Variants in PLAGL1 observed in about 807,000 individuals in gnomAD.
PLAGL1 encodes the protein zinc finger protein PLAGL1.
PLAGL1 carries 1 observed loss-of-function variant against 4.6 expected under a neutral mutation model. The ratio of observed to expected loss-of-function variants is 0.22; its 90% CI spans 0.08 to 1.03. The LOEUF is 1.03. PLAGL1 is among the 50% of genes least tolerant of loss of function. The pLI is 0.58. For synonymous variants in PLAGL1, 240 were observed against 237.8 expected (o/e 1.01, Z -0.08); for missense variants, 464 against 570.4 (o/e 0.81, Z 1.90).
At chr6:143,987,811 A>G (rs1291771283) in intron 1 of PLAGL1, among the ~76,000 whole-genome samples, 1 of 152,164 alleles carries the variant, frequency 6.6e-6, no homozygotes, top group Non-Finnish European at 1.5e-5. Flanking sequence ...GCAGATGGTA[A>G]CCTTAATTTT....
In PLAGL1 at chr6:144,061,808, C is replaced by CT. The variant is rs995982414; in HGVS notation, c.-151+2659dup. Among the ~76,000 whole-genome samples, 3 of 152,220 alleles carry CT rather than the reference C, an allele frequency of 2.0e-5. No homozygotes were observed. The highest frequency in any genetic ancestry group is 2.9e-5 in the Non-Finnish European group (2 of 68,012). On this transcript the variant is annotated intron_variant, in intron 1 of 3. Coordinates refer to the PLAGL1 transcript ENST00000437412. This position sits in a 1 kb window ranked among gnomAD's most constrained non-coding sequence, Gnocchi z 4.4. ...CCCAATCTCCCTCTTCTAGTTATTCCTTTTTTTAATTCCTCTTACGATTTT... is the reference window on the plus strand; with the variant it reads ...CCCAATCTCCCTCTTCTAGTTATTCCTTTTTTTTAATTCCTCTTACGATTTT...
chr6:144,044,619 G>A (rs928145991), intron 1 of PLAGL1, among the ~76,000 whole-genome samples: 2 of 152,188 alleles, frequency 1.3e-5, no homozygotes. Flanking sequence ...TGGAATAAGT[G>A]CAATGTGGTG....
intron 1 of PLAGL1, chr6:144,037,028 C>T (rs1797294658): frequency 6.1e-6 from 1 of 163,050 alleles, no homozygotes; most frequent in South Asian, 1.6e-4. Flanking sequence ...GTCTGCTTGC[C>T]TCTTGTCACA....
At chr6:144,037,576 G>C (rs984602981) in intron 1 of PLAGL1, 15 of 151,994 alleles carry the variant, frequency 9.9e-5, no homozygotes, top group African/African-American at 3.6e-4. Flanking sequence ...CTGGGTGACA[G>C]AGCAAGACTC....
rs951677977 is a variant in PLAGL1, at chr6:143,953,459, T to C, written c.-324-4999A>G. ...ATTTCTCTAATATTCAGGGAAAAAATTGAGAAAGCTGTCCAGATGATTATG... is the reference window on the plus strand; with the variant it reads ...ATTTCTCTAATATTCAGGGAAAAAACTGAGAAAGCTGTCCAGATGATTATG... On this transcript the variant is annotated intron_variant, in intron 6 of 7. Coordinates refer to ENST00000674357, the MANE Select transcript of PLAGL1 (RefSeq NM_001317162.2). This position sits in a 1 kb window ranked among gnomAD's most constrained non-coding sequence, Gnocchi z 5.3. Among the ~76,000 whole-genome samples the C allele has an allele frequency of 6.6e-6, 1 of 152,140 alleles. No individual in the cohort carries two copies. Among genetic ancestry groups the C allele is most frequent in the Non-Finnish European group, 1.5e-5 (1 of 68,010 alleles).
intron 1 of PLAGL1, among the ~76,000 whole-genome samples, chr6:144,040,440 A>T (rs1407684776): frequency 6.6e-6 from 1 of 152,120 alleles, no homozygotes; most frequent in East Asian, 1.9e-4. Context: ...GAGGCAGGCA[A>T]ATCATTTGAA....
At position 144,064,449 on chromosome 6, in the gene PLAGL1, A is replaced by T. The variant is rs1310628344; in HGVS notation, c.-151+19T>A. 1.3e-5 allele frequency: 2 copies of T among 152,172 alleles called. No individual in the cohort carries two copies. The highest frequency in any genetic ancestry group is 2.9e-5 in the Non-Finnish European group (2 of 68,260). 9.4% of individuals were successfully genotyped at this position (152,172 alleles called of 1,614,324 possible). Reference sequence around the variant, plus strand: ...CAGTTCTCTCGCTCGCCCCTGCCTCACCTGCCTTTCCTACCTACCCGCCGC... The same window carrying T: ...CAGTTCTCTCGCTCGCCCCTGCCTCTCCTGCCTTTCCTACCTACCCGCCGC... On this transcript the variant is annotated intron_variant, in intron 1 of 3. Transcript: ENST00000437412. The surrounding 1 kb of genome is among the most constrained non-coding windows in gnomAD (Gnocchi z 6.8).
intron 1 of PLAGL1, among the ~76,000 whole-genome samples, chr6:144,052,199 A>G (rs940815068): frequency 1.3e-5 from 2 of 152,244 alleles, no homozygotes; most frequent in Admixed American, 6.5e-5. Context: ...GACAGATAGT[A>G]TATATGTCCT....
chr6:143,979,526 A>G lies in PLAGL1; in HGVS notation c.-544+5609T>C, dbSNP rs1233980636. 6.6e-6 allele frequency among the ~76,000 whole-genome samples: 1 copy of G among 152,032 alleles called. No individual in the cohort carries two copies. The highest frequency in any genetic ancestry group is 2.4e-5 in the African/African-American group (1 of 41,414). ...TCTTCGTGGTTGCTGTAGAGTTTAT[A>G]GTTATATCTTTAACTTACCATGGTG... On this transcript the variant is annotated intron_variant, in intron 2 of 7. Transcript: ENST00000674357. This position sits in a 1 kb window ranked among gnomAD's most constrained non-coding sequence, Gnocchi z 4.6.
rs1370164310 is a variant in PLAGL1 at position 143,962,251 on chromosome 6, T to C, written c.-398-1709A>G. On this transcript the variant is annotated intron_variant, in intron 5 of 7. Coordinates refer to ENST00000674357, the MANE Select transcript of PLAGL1 (RefSeq NM_001317162.2). This position sits in a 1 kb window ranked among gnomAD's most constrained non-coding sequence, Gnocchi z 5.3. ...GAGAACAGACAGGAAAAATAACACA[T>C]CTCAGTTTGACAGGATGCTACTTGC... 3.9e-5 allele frequency among the ~76,000 whole-genome samples: 6 copies of C among 152,122 alleles called. No individual in the cohort carries two copies. Among genetic ancestry groups the C allele is most frequent in the African/African-American group, 1.4e-4 (6 of 41,406 alleles).
intron 1 of PLAGL1, among the ~76,000 whole-genome samples, chr6:144,044,543 CAGTT>C (rs1308922706): frequency 1.2e-4 from 18 of 152,242 alleles, no homozygotes; most frequent in African/African-American, 4.3e-4. Context: ...GTCTGAGAGA[CAGTT>C]TGTTGTGATT....
rs941110508 is a variant in PLAGL1, at chr6:143,953,798, C to T, written c.-324-5338G>A. Reference sequence around the variant, plus strand: ...AGAGGCAACAAAACAACCTGCTATACCCTGAAGCATCTACCATATGTCTCT... The same window carrying T: ...AGAGGCAACAAAACAACCTGCTATATCCTGAAGCATCTACCATATGTCTCT... On this transcript the variant is annotated intron_variant, in intron 6 of 7. Transcript: ENST00000674357. The surrounding 1 kb of genome is among the most constrained non-coding windows in gnomAD (Gnocchi z 5.3). Among the ~76,000 whole-genome samples the T allele has an allele frequency of 6.6e-6, 1 of 152,186 alleles. No homozygotes were observed. Among genetic ancestry groups the T allele is most frequent in the Non-Finnish European group, 1.5e-5 (1 of 68,034 alleles).
rs1229442541 is a variant in PLAGL1 at position 144,006,233 on chromosome 6, A to G, written c.-584+1857T>C. The G allele has an allele frequency of 6.6e-6, 1 of 152,154 alleles. No individual in the cohort carries two copies. The highest frequency in any genetic ancestry group is 1.5e-5 in the Non-Finnish European group (1 of 68,032). The allele number at this position is 152,154 out of a possible 1,614,324, so 9.4% of individuals were successfully genotyped here. ...TTTTTTTTTCTAAAAAGAAGCCAGGAAATAAGAATAACAGACGGAGAGCCC... is the reference window on the plus strand; with the variant it reads ...TTTTTTTTTCTAAAAAGAAGCCAGGGAATAAGAATAACAGACGGAGAGCCC... On this transcript the variant is annotated intron_variant, in intron 1 of 7. Transcript: ENST00000674357. The surrounding 1 kb of genome is among the most constrained non-coding windows in gnomAD (Gnocchi z 4.3).
chr6:143,997,354 T>G lies in PLAGL1; in HGVS notation c.-584+10736A>C, dbSNP rs1272439348. Among the ~76,000 whole-genome samples, 2 of 152,172 alleles carry G rather than the reference T, an allele frequency of 1.3e-5. No homozygotes were observed. The highest frequency in any genetic ancestry group is 6.5e-5 in the Admixed American group (1 of 15,270). On this transcript the variant is annotated intron_variant, in intron 1 of 7. Coordinates refer to ENST00000674357, the MANE Select transcript of PLAGL1 (RefSeq NM_001317162.2). The surrounding 1 kb of genome is among the most constrained non-coding windows in gnomAD (Gnocchi z 4.6). ...AATGAGTATTCACAGCAGGTCTATT[T>G]GTAAGAACCCAAACTAGAACACACC...
chr6:144,025,183 C>T (rs1796246189), intron 1 of PLAGL1, among the ~76,000 whole-genome samples: 1 of 152,136 alleles, frequency 6.6e-6, no homozygotes, highest in South Asian at 2.1e-4. Flanking sequence ...TCCCTCAAAC[C>T]CCAGTCTAAC....
rs1051034901 is a variant in PLAGL1, at chr6:144,056,066, C to T, written c.-151+8402G>A. ...AAAAGATGACTCACTTTTCTTTCCC[C>T]TCATCCCTTTCTCCATCCCACCCCC... is the stretch of plus-strand genomic sequence containing the variant. On this transcript the variant is annotated intron_variant, in intron 1 of 3. Coordinates refer to the PLAGL1 transcript ENST00000437412. This position sits in a 1 kb window ranked among gnomAD's most constrained non-coding sequence, Gnocchi z 4.7. Among the ~76,000 whole-genome samples, 1 of 152,032 alleles carries T rather than the reference C, an allele frequency of 6.6e-6. No homozygotes were observed. The highest frequency in any genetic ancestry group is 2.4e-5 in the African/African-American group (1 of 41,382).
rs561688007 is a variant in PLAGL1 at position 144,059,696 on chromosome 6, A to G, written c.-151+4772T>C. ...TAGCCACTCACTAAATCTATCACCT[A>G]TTGTGAATTTAAGGGAGTCTTGTCA... is the stretch of plus-strand genomic sequence containing the variant. On this transcript the variant is annotated intron_variant, in intron 1 of 3. Coordinates refer to the PLAGL1 transcript ENST00000437412. This position sits in a 1 kb window ranked among gnomAD's most constrained non-coding sequence, Gnocchi z 4.9. Among the ~76,000 whole-genome samples the G allele has an allele frequency of 3.2e-4, 48 of 152,256 alleles. No individual in the cohort carries two copies. The highest frequency in any genetic ancestry group is 5.4e-4 in the Non-Finnish European group (37 of 68,012).
At chr6:144,007,816 G>A (rs886816035) in intron 1 of PLAGL1, 3 of 152,166 alleles carry the variant, frequency 2.0e-5, no homozygotes, top group African/African-American at 4.8e-5. Flanking sequence ...GTAAGAATCG[G>A]GTCTGTGGAC....
chr6:143,970,757 T>C lies in PLAGL1; in HGVS notation c.-543-1779A>G, dbSNP rs1785269474. On this transcript the variant is annotated intron_variant, in intron 2 of 7. Transcript: ENST00000674357. The surrounding 1 kb of genome is among the most constrained non-coding windows in gnomAD (Gnocchi z 5.8). The stretch of plus-strand genomic sequence containing the variant: ...TTTCTCTTAAGTTACTTGAAATTCT[T>C]CTTCTTGGATATTACAGCAGTCTTC... 6.6e-6 allele frequency among the ~76,000 whole-genome samples: 1 copy of C among 152,204 alleles called. No individual in the cohort carries two copies. Among genetic ancestry groups the C allele is most frequent in the African/African-American group, 2.4e-5 (1 of 41,444 alleles).
Sources: gnomAD v4.1 joint callset for allele counts (sites outside exome capture counted in the v4.1 genomes callset) on GRCh38, gnomAD v4.1.1 for gene constraint, Gnocchi (gnomAD v3.1) non-coding constraint, MANE v1.5 for transcripts, NCBI Gene and HGNC (gene_info 2026-07-23, HGNC 2026-07-21) for gene names.